The following NWD2 variants were observed in gnomAD, a reference collection of about 807,000 sequenced individuals.
The protein encoded by NWD2 is NACHT and WD repeat domain containing 2, also known as NACHT and WD repeat domain-containing protein 2.
NWD2 carries 37 observed loss-of-function variants against 132.7 expected under a neutral mutation model. The observed-to-expected ratio is 0.28, with a 90% CI of 0.21 to 0.37. The LOEUF (loss-of-function observed/expected upper bound fraction) is 0.37. Ranked by LOEUF, NWD2 falls within the 10% of genes least tolerant of loss-of-function variation. NWD2 has a pLI of 1.00. For missense variants in NWD2, 1,592 were observed against 2,122.4 expected, an observed-to-expected ratio of 0.75 and a Z score of 4.91; for synonymous variants, 705 against 803.0, an observed-to-expected ratio of 0.88 and a Z score of 2.06.
chr4:37,320,663 A>G (rs920154351), intron 1 of NWD2, among the ~76,000 whole-genome samples: 4 of 152,218 alleles, frequency 2.6e-5, no homozygotes, highest in African/African-American at 9.7e-5. Flanking sequence ...GGAGCTGCCA[A>G]ACAAGAAATT....
intron 1 of NWD2, among the ~76,000 whole-genome samples, chr4:37,286,989 C>T (rs1718246069): frequency 6.6e-6 from 1 of 152,144 alleles, no homozygotes; most frequent in African/African-American, 2.4e-5. Flanking sequence ...CTCATCAGAA[C>T]TGACGAGGTG....
At chr4:37,358,076 C>G (rs1552023) in intron 3 of NWD2, among the ~76,000 whole-genome samples, 147,004 of 152,230 alleles carry the variant, frequency 0.97, 71,197 homozygotes, top group East Asian at 1. Flanking sequence ...ATTTTTAAGA[C>G]TAAGAAGACT....
chr4:37,433,565 A>G (rs1282456029), intron 4 of NWD2, among the ~76,000 whole-genome samples: 3 of 152,172 alleles, frequency 2.0e-5, no homozygotes, highest in Non-Finnish European at 4.4e-5. Flanking sequence ...TCCGCTTTGG[A>G]GGACACCAGA....
At chr4:37,315,800 A>G (rs1194984854) in intron 1 of NWD2, among the ~76,000 whole-genome samples, 1 of 151,998 alleles carries the variant, frequency 6.6e-6, no homozygotes, top group Admixed American at 6.6e-5. Context: ...TAGATATTTT[A>G]GTATATCATT....
At chr4:37,425,003 TG>T (rs1462389129) in intron 3 of NWD2, among the ~76,000 whole-genome samples, 1 of 152,034 alleles carries the variant, frequency 6.6e-6, no homozygotes, top group Non-Finnish European at 1.5e-5. Flanking sequence ...GGAGGGAAAA[TG>T]TTATCTCTAA....
chr4:37,417,118 A>C (rs1380986347), intron 3 of NWD2, among the ~76,000 whole-genome samples: 2 of 152,204 alleles, frequency 1.3e-5, no homozygotes, highest in African/African-American at 4.8e-5. Flanking sequence ...TTAAAAAATA[A>C]ATAAAATTTA....
intron 3 of NWD2, among the ~76,000 whole-genome samples, chr4:37,386,797 C>A (rs1286908912): frequency 6.7e-6 from 1 of 149,388 alleles, no homozygotes; most frequent in Non-Finnish European, 1.5e-5. Flanking sequence ...GAGTTGGTAC[C>A]ATTCCCACAG....
intron 1 of NWD2, among the ~76,000 whole-genome samples, chr4:37,285,257 T>C (rs1335909098): frequency 6.6e-6 from 1 of 152,206 alleles, no homozygotes; most frequent in African/African-American, 2.4e-5. Flanking sequence ...TCCTTTTCTT[T>C]CATTTTTTTC....
At chr4:37,272,200 A>T (rs949296401) in intron 1 of NWD2, among the ~76,000 whole-genome samples, 1 of 151,606 alleles carries the variant, frequency 6.6e-6, no homozygotes. Context: ...TGCTGTGTTT[A>T]ATTTTCTAAT....
At chr4:37,414,880 A>G (rs903189225) in intron 3 of NWD2, among the ~76,000 whole-genome samples, 2 of 152,190 alleles carry the variant, frequency 1.3e-5, no homozygotes, top group African/African-American at 4.8e-5. Flanking sequence ...AGGGAAATCC[A>G]CGAATTGACA....
chr4:37,311,070 T>A (rs1366017730), intron 1 of NWD2, among the ~76,000 whole-genome samples: 1 of 152,106 alleles, frequency 6.6e-6, no homozygotes, highest in African/African-American at 2.4e-5. Flanking sequence ...TCTTTGCTAT[T>A]GTGAATAGTG....
chr4:37,334,624 G>A (rs145253953), intron 2 of NWD2, among the ~76,000 whole-genome samples: 111 of 152,238 alleles, frequency 7.3e-4, no homozygotes, highest in African/African-American at 2.6e-3. Context: ...ATGGGCCGCT[G>A]GTACACTGAG....
At chr4:37,375,052 A>G (rs1451877527) in intron 3 of NWD2, among the ~76,000 whole-genome samples, 1 of 152,216 alleles carries the variant, frequency 6.6e-6, no homozygotes, top group Non-Finnish European at 1.5e-5. Flanking sequence ...TTGCTTCCAA[A>G]ACATGGGCAA....
At chr4:37,283,372 G>C (rs1718166964) in intron 1 of NWD2, among the ~76,000 whole-genome samples, 2 of 152,036 alleles carry the variant, frequency 1.3e-5, no homozygotes, top group Admixed American at 1.3e-4. Flanking sequence ...CTTTAATGTT[G>C]TTTTAATTTT....
intron 3 of NWD2, among the ~76,000 whole-genome samples, chr4:37,382,286 C>A (rs143527467): frequency 1.3e-5 from 2 of 152,166 alleles, no homozygotes; most frequent in Non-Finnish European, 2.9e-5. Flanking sequence ...AGTGGGTCTG[C>A]GCCTGCACAC....
At chr4:37,422,778 T>C (rs1007978213) in intron 3 of NWD2, among the ~76,000 whole-genome samples, 66 of 152,342 alleles carry the variant, frequency 4.3e-4, no homozygotes, top group African/African-American at 1.5e-3. Context: ...ATATGAAAGC[T>C]GAAACTCAGA....
rs917268066 is a variant in NWD2 at position 37,447,164 on chromosome 4, C to T, written c.5176C>T (p.Arg1726Trp). 2.6e-6 allele frequency: 4 copies of T among 1,551,256 alleles called. No homozygotes were observed. The highest frequency in any genetic ancestry group is 2.6e-6 in the Non-Finnish European group (3 of 1,146,986). The change falls in exon 7 of 7, where the codon CGG becomes TGG. Residue 1726 changes from arginine to tryptophan, a missense_variant. Arg to Trp is a moderately radical substitution (Grantham distance 101, BLOSUM62 -3). Around this residue, in one of 7 missense-constraint regions of NWD2, gnomAD observed 257 missense variants for 335.0 expected, o/e 0.77. Coordinates refer to ENST00000309447, the MANE Select transcript of NWD2 (RefSeq NM_001144990.2). ...CAAGAAACACAACTCTTGTTATGAG[C>T]GGGTATGCTCGGCCCTAGAAGCCAG... ...PSKKHNSCYE[R>W]VCSALEARGH...
intron 3 of NWD2, among the ~76,000 whole-genome samples, chr4:37,390,001 G>A (rs983292450): frequency 4.6e-5 from 7 of 152,170 alleles, no homozygotes; most frequent in Non-Finnish European, 8.8e-5. Context: ...CGTTGGCCAG[G>A]CTGGTCTCAA....
At chr4:37,441,911 A>G (rs1412734732) in intron 6 of NWD2, among the ~76,000 whole-genome samples, 1 of 152,160 alleles carries the variant, frequency 6.6e-6, no homozygotes, top group Non-Finnish European at 1.5e-5. Flanking sequence ...CTCTCTACAG[A>G]CATCACATGT....
Sources: gnomAD v4.1 joint callset for allele counts (sites outside exome capture counted in the v4.1 genomes callset) on GRCh38, gnomAD v4.1.1 for gene constraint, gnomAD v4.1.1 regional missense constraint, MANE v1.5 for transcripts, NCBI Gene and HGNC (gene_info 2026-07-23, HGNC 2026-07-21) for gene names.